Variants in NCALD observed in about 807,000 individuals in gnomAD.
The protein encoded by NCALD is neurocalcin-delta.
Under a neutral mutation model 18.6 loss-of-function variants are expected in NCALD, and 10 were observed. The observed-to-expected ratio is 0.54, with a 90% CI of 0.33 to 0.91. The LOEUF (loss-of-function observed/expected upper bound fraction) is 0.91, where lower values mean the gene tolerates loss of function less well. Ranked by LOEUF, NCALD falls within the 40% of genes least tolerant of loss-of-function variation. NCALD has a pLI of 0.03. For synonymous variants in NCALD, 88 were observed against 87.4 expected, an observed-to-expected ratio of 1.01 and a Z score of -0.04; for missense variants, 184 against 247.6, an observed-to-expected ratio of 0.74 and a Z score of 1.72.
intron 4 of NCALD, among the ~76,000 whole-genome samples, chr8:101,867,279 T>A (rs1023549524): frequency 1.3e-5 from 2 of 152,186 alleles, no homozygotes; most frequent in Admixed American, 6.5e-5. Flanking sequence ...CCCTTAGCAA[T>A]CATCACTACC....
intron 1 of NCALD, among the ~76,000 whole-genome samples, chr8:102,121,621 C>G (rs1273266556): frequency 1.3e-5 from 2 of 152,188 alleles, no homozygotes; most frequent in African/African-American, 4.8e-5. Flanking sequence ...ACAACCCTTT[C>G]AAAAAATTGG....
chr8:102,066,195 C>T (rs1380457146), intron 1 of NCALD, among the ~76,000 whole-genome samples: 1 of 152,202 alleles, frequency 6.6e-6, no homozygotes, highest in East Asian at 1.9e-4. Flanking sequence ...ATGTGCTCCA[C>T]AATTGTCACA....
intron 2 of NCALD, among the ~76,000 whole-genome samples, chr8:102,004,431 T>C (rs1275001505): frequency 6.6e-6 from 1 of 152,046 alleles, no homozygotes; most frequent in African/African-American, 2.4e-5. Flanking sequence ...GAAGAATCAA[T>C]ATTGTGAAAA....
intron 2 of NCALD, among the ~76,000 whole-genome samples, chr8:102,017,922 A>C (rs921260054): frequency 6.6e-6 from 1 of 152,218 alleles, no homozygotes; most frequent in African/African-American, 2.4e-5. Flanking sequence ...TAATTTTTAA[A>C]TGGGTGAATG....
chr8:101,772,301 G>A (rs1455313348), intron 1 of NCALD, among the ~76,000 whole-genome samples: 1 of 152,126 alleles, frequency 6.6e-6, no homozygotes, highest in Non-Finnish European at 1.5e-5. Context: ...GTTTATCCTG[G>A]AACAACCCTA....
intron 4 of NCALD, among the ~76,000 whole-genome samples, chr8:101,855,150 T>C (rs1441830555): frequency 6.6e-6 from 1 of 152,114 alleles, no homozygotes; most frequent in Non-Finnish European, 1.5e-5. Flanking sequence ...ATGGGACCAG[T>C]ATCCCTAACA....
chr8:101,709,545 C>A (rs180879299), intron 2 of NCALD, among the ~76,000 whole-genome samples: 1 of 152,314 alleles, frequency 6.6e-6, no homozygotes, highest in East Asian at 1.9e-4. Context: ...AATGTAATTC[C>A]ATTTTCTTCC....
At chr8:101,695,057 G>A (rs1814927357) in intron 2 of NCALD, among the ~76,000 whole-genome samples, 1 of 152,100 alleles carries the variant, frequency 6.6e-6, no homozygotes. Context: ...ATGAAAACAT[G>A]CACACCCCTC....
intron 2 of NCALD, among the ~76,000 whole-genome samples, chr8:101,961,592 C>T (rs1819837838): frequency 2.0e-5 from 3 of 152,076 alleles, no homozygotes; most frequent in African/African-American, 7.2e-5. Context: ...TGTCCATTTG[C>T]TAACTATACT....
intron 4 of NCALD, among the ~76,000 whole-genome samples, chr8:101,801,904 G>T (rs535581069): frequency 1.3e-5 from 2 of 151,948 alleles, no homozygotes; most frequent in East Asian, 3.9e-4. Flanking sequence ...CTGACCTCGT[G>T]ATCCGCCCGC....
At chr8:102,008,917 T>TAC (rs761346653) in intron 2 of NCALD, among the ~76,000 whole-genome samples, 2,834 of 38,420 alleles carry the variant, frequency 0.074, 192 homozygotes, top group East Asian at 0.12. Flanking sequence ...CCCGCCCCCC[T>TAC]ACACACACAC....
intron 1 of NCALD, among the ~76,000 whole-genome samples, chr8:102,093,876 A>C (rs2132385182): frequency 6.6e-6 from 1 of 152,246 alleles, no homozygotes; most frequent in South Asian, 2.1e-4. Context: ...AGTTAATGAA[A>C]AGAAACAAAC....
intron 2 of NCALD, among the ~76,000 whole-genome samples, chr8:101,698,615 AG>A (rs1815113073): frequency 6.6e-6 from 1 of 152,218 alleles, no homozygotes; most frequent in Non-Finnish European, 1.5e-5. Context: ...CAGAGACCTC[AG>A]AAATAACACC....
At chr8:102,013,653 C>T (rs897142468) in intron 2 of NCALD, among the ~76,000 whole-genome samples, 2 of 151,250 alleles carry the variant, frequency 1.3e-5, no homozygotes, top group Non-Finnish European at 2.9e-5. Context: ...CCAAATTGAA[C>T]AAGATATGTT....
At chr8:101,811,510 C>G (rs975822518) in intron 4 of NCALD, among the ~76,000 whole-genome samples, 1 of 152,168 alleles carries the variant, frequency 6.6e-6, no homozygotes, top group South Asian at 2.1e-4. Context: ...TTGTTTAAAG[C>G]CACCAAGTTT....
intron 1 of NCALD, among the ~76,000 whole-genome samples, chr8:102,023,690 G>A (rs150644378): frequency 2.0e-5 from 3 of 152,188 alleles, no homozygotes; most frequent in African/African-American, 2.4e-5. Flanking sequence ...GCTAGGAAAG[G>A]GGCTTTCCAG....
intron 2 of NCALD, among the ~76,000 whole-genome samples, chr8:101,936,533 G>T (rs184924831): frequency 3.9e-5 from 6 of 152,292 alleles, no homozygotes; most frequent in African/African-American, 9.6e-5. Flanking sequence ...TAGAATGCTA[G>T]CAACAGATTA....
intron 4 of NCALD, among the ~76,000 whole-genome samples, chr8:101,826,313 T>C (rs1228687747): frequency 3.9e-5 from 6 of 152,196 alleles, no homozygotes; most frequent in Non-Finnish European, 8.8e-5. Flanking sequence ...CTCCCAGAGA[T>C]TGTGGGAACT....
intron 1 of NCALD, among the ~76,000 whole-genome samples, chr8:102,027,418 C>T (rs1822499604): frequency 6.6e-6 from 1 of 152,182 alleles, no homozygotes; most frequent in Admixed American, 6.5e-5. Context: ...CTTTACATAG[C>T]AAGAATGACC....
Sources: allele counts gnomAD v4.1 joint callset (sites outside exome capture counted in the v4.1 genomes callset), GRCh38; gene constraint gnomAD v4.1.1; transcripts MANE v1.5; gene names NCBI Gene and HGNC (gene_info 2026-07-23, HGNC 2026-07-21).